Variants in ATP5PB observed in about 807,000 individuals in gnomAD.
ATP5PB encodes ATP synthase peripheral stalk-membrane subunit b, also known as ATP synthase peripheral stalk subunit b, mitochondrial.
ATP5PB carries 21 observed loss-of-function variants against 34.5 expected under a neutral mutation model. The observed-to-expected ratio is 0.61, with a 90% CI of 0.43 to 0.88. The LOEUF (loss-of-function observed/expected upper bound fraction) is 0.88. ATP5PB is among the 40% of genes least tolerant of loss of function. The pLI is 0.00. For synonymous variants in ATP5PB, 108 were observed against 114.1 expected (o/e 0.95, Z 0.34); for missense variants, 293 against 317.4 (o/e 0.92, Z 0.58).
chr1:111,451,145 C>T (rs1007434054), intron 2 of ATP5PB, among the ~76,000 whole-genome samples: 1 of 152,154 alleles, frequency 6.6e-6, no homozygotes, highest in Non-Finnish European at 1.5e-5. Flanking sequence ...CCAGAGCTCC[C>T]CATCCCACTT....
chr1:111,460,957 T>A lies in ATP5PB; in HGVS notation c.734T>A (p.Leu245Gln). The A allele has an allele frequency of 1.9e-6, 3 of 1,613,182 alleles. No homozygotes were observed. Among genetic ancestry groups the A allele is most frequent in the Non-Finnish European group, 2.5e-6 (3 of 1,179,796 alleles). The change falls in exon 7 of 7, where the codon CTG becomes CAG. Residue 245 changes from leucine to glutamine, a missense_variant. Coordinates refer to ENST00000369722, the MANE Select transcript of ATP5PB (RefSeq NM_001688.5). ...GCCAAGTGCATTGCGGACCTAAAGC[T>A]GCTGGCAAAGAAGGCTCAAGCACAG... is the stretch of plus-strand genomic sequence containing the variant. ...TIAKCIADLK[L>Q]LAKKAQAQPV... is the part of the protein sequence containing the mutation.
chr1:111,454,143 C>A, intron 2 of ATP5PB, 68 bp from the exon 3 acceptor site: 1 of 1,392,838 alleles, frequency 7.2e-7, no homozygotes, highest in Middle Eastern at 2.0e-4. Flanking sequence ...ATTGTTTCTG[C>A]TCATTATTCA....
At position 111,449,479 on chromosome 1, in the gene ATP5PB, C is replaced by T; in HGVS notation, c.-63C>T. The T allele has an allele frequency of 6.2e-7, 1 of 1,614,190 alleles. No homozygotes were observed. Among genetic ancestry groups the T allele is most frequent in the African/African-American group, 1.3e-5 (1 of 75,052 alleles). On this transcript the variant is annotated 5_prime_UTR_variant, in exon 1 of 7. Coordinates refer to ENST00000369722, the MANE Select transcript of ATP5PB (RefSeq NM_001688.5). ...TGTGAGCGGCCATCTTGGTCCTGCC[C>T]TGACAGATTCTCCTATCGGGGTCAC...
At chr1:111,453,861 G>A (rs1360354878) in intron 2 of ATP5PB, among the ~76,000 whole-genome samples, 1 of 152,154 alleles carries the variant, frequency 6.6e-6, no homozygotes. Flanking sequence ...CAAAGTCAAG[G>A]AGCAGGTCTA....
At chr1:111,457,483 T>C (rs533178711) in intron 5 of ATP5PB, among the ~76,000 whole-genome samples, 27 of 152,342 alleles carry the variant, frequency 1.8e-4, no homozygotes, top group African/African-American at 5.5e-4. Context: ...CCTTGTACTT[T>C]ATGGCTAATA....
intron 1 of ATP5PB, 43 bp from the exon 2 acceptor site, chr1:111,449,794 G>A (rs139929944): frequency 1.2e-6 from 2 of 1,613,966 alleles, no homozygotes; most frequent in East Asian, 4.5e-5. Flanking sequence ...GGGCAAACCA[G>A]ATTTCATTTG....
chr1:111,454,629 G>A (rs1653419897), intron 3 of ATP5PB, among the ~76,000 whole-genome samples: 1 of 152,036 alleles, frequency 6.6e-6, no homozygotes, highest in Non-Finnish European at 1.5e-5. Flanking sequence ...TTTTTGTAGA[G>A]ACGGGCTTTC....
intron 1 of ATP5PB, 107 bp from the exon 2 acceptor site, chr1:111,449,730 A>T (rs1482532499): frequency 1.3e-6 from 2 of 1,579,516 alleles, no homozygotes; most frequent in Non-Finnish European, 1.7e-6. Flanking sequence ...GTCTTGAGGG[A>T]CGGGAAAGAG....
chr1:111,462,148 A>ATGG lies in ATP5PB; in HGVS notation c.*1157_*1159dup, dbSNP rs1173905616. Reference sequence around the variant, plus strand: ...GGTCTTGAAGAGATACTTGTGTTCCATGGTGATAGCAGCCATTGTTCACAA... The same window carrying ATGG: ...GGTCTTGAAGAGATACTTGTGTTCCATGGTGGTGATAGCAGCCATTGTTCACAA... On this transcript the variant is annotated 3_prime_UTR_variant, in exon 7 of 7. Transcript: ENST00000369722. 2 of 152,234 alleles carry ATGG rather than the reference A, an allele frequency of 1.3e-5. No individual in the cohort carries two copies. The highest frequency in any genetic ancestry group is 4.8e-5 in the African/African-American group (2 of 41,464). The allele number at this position is 152,234 out of a possible 1,614,324, so 9.4% of individuals were successfully genotyped here. A position where few individuals can be genotyped will look rare whatever the true frequency, so the allele number is the denominator to read the frequency against.
At chr1:111,456,608 G>C (rs1299738626) in intron 4 of ATP5PB, 22 bp from the exon 5 acceptor site, 2 of 1,606,012 alleles carry the variant, frequency 1.2e-6, no homozygotes, top group Non-Finnish European at 1.7e-6. Flanking sequence ...ACTGATCTTT[G>C]TTGTTGCTAT....
intron 3 of ATP5PB, among the ~76,000 whole-genome samples, chr1:111,454,754 T>C (rs534054741): frequency 6.6e-6 from 1 of 152,362 alleles, no homozygotes; most frequent in East Asian, 1.9e-4. Context: ...GCAAGTCAGC[T>C]ATTTTTAAAA....
chr1:111,460,529 A>T (rs1653591867), intron 6 of ATP5PB, among the ~76,000 whole-genome samples: 1 of 151,860 alleles, frequency 6.6e-6, no homozygotes, highest in African/African-American at 2.4e-5. Context: ...TAGAAAAGAG[A>T]TTAAAAATTA....
chr1:111,460,598 A>G (rs941994973), intron 6 of ATP5PB, among the ~76,000 whole-genome samples: 3 of 152,144 alleles, frequency 2.0e-5, no homozygotes, highest in African/African-American at 7.2e-5. Context: ...TTTTCAAGCA[A>G]CTGTTGGTTG....
intron 1 of ATP5PB, 77 bp from the exon 2 acceptor site, chr1:111,449,760 T>C (rs752781269): frequency 2.5e-6 from 4 of 1,603,824 alleles, no homozygotes; most frequent in Admixed American, 3.3e-5. Flanking sequence ...GGCTTAGTGA[T>C]AGAGCCTGGC....
In ATP5PB at chr1:111,456,693, G is replaced by A; in HGVS notation, c.451G>A (p.Asp151Asn). 1 of 1,613,722 alleles carries A rather than the reference G, an allele frequency of 6.2e-7. No homozygotes were observed. The highest frequency in any genetic ancestry group is 8.5e-7 in the Non-Finnish European group (1 of 1,179,852). Residue 151 changes from aspartate (D) to asparagine (N), a missense_variant, in exon 5 of 7, where the codon GAT becomes AAT. Physicochemically the swap from Asp to Asn is conservative, Grantham distance 23. Transcript: ENST00000369722. ...CATCCAACACATCCAGAATGCAATTGATACGGAGAAGTCACAACAGGCACT... is the reference window on the plus strand; with the variant it reads ...CATCCAACACATCCAGAATGCAATTAATACGGAGAAGTCACAACAGGCACT... ...ASIQHIQNAI[D>N]TEKSQQALVQ...
chr1:111,453,297 G>A (rs958834978), intron 2 of ATP5PB, among the ~76,000 whole-genome samples: 2 of 151,522 alleles, frequency 1.3e-5, no homozygotes, highest in Non-Finnish European at 2.9e-5. Flanking sequence ...TAGTTCAATT[G>A]TTCAAGCTCA....
In ATP5PB at chr1:111,459,447, T is replaced by C; in HGVS notation, c.514-10T>C. On this transcript the variant is annotated splice_polypyrimidine_tract_variant and intron_variant, in intron 5 of 6. Coordinates refer to ENST00000369722, the MANE Select transcript of ATP5PB (RefSeq NM_001688.5). ...CAAACAATATTTATCATTTCTTAAT[T>C]TTGCCCCAGAATAACATTGCTATGG... The C allele has an allele frequency of 6.3e-7, 1 of 1,594,342 alleles. No individual in the cohort carries two copies. Among genetic ancestry groups the C allele is most frequent in the Non-Finnish European group, 8.6e-7 (1 of 1,168,038 alleles).
intron 2 of ATP5PB, among the ~76,000 whole-genome samples, chr1:111,453,294 A>G (rs959849357): frequency 1.3e-5 from 2 of 152,144 alleles, no homozygotes; most frequent in East Asian, 1.9e-4. Context: ...TAATAGTTCA[A>G]TTGTTCAAGC....
At chr1:111,455,165 A>T (rs1653436219) in intron 3 of ATP5PB, among the ~76,000 whole-genome samples, 1 of 150,592 alleles carries the variant, frequency 6.6e-6, no homozygotes, top group Admixed American at 6.6e-5. Context: ...TTTTTTTTTT[A>T]GCCCTGGAGT....
Sources: gnomAD v4.1 joint callset for allele counts (sites outside exome capture counted in the v4.1 genomes callset) on GRCh38, gnomAD v4.1.1 for gene constraint, MANE v1.5 for transcripts, NCBI Gene and HGNC (gene_info 2026-07-23, HGNC 2026-07-21) for gene names.